Variants in PCYT1A observed in about 807,000 individuals in gnomAD.
PCYT1A encodes phosphate cytidylyltransferase 1A, choline.
Under a neutral mutation model 43.7 loss-of-function variants are expected in PCYT1A, and 25 were observed. The ratio of observed to expected loss-of-function variants is 0.57; its 90% CI spans 0.42 to 0.80. PCYT1A has a LOEUF of 0.80. Among genes scored for constraint, PCYT1A ranks in the 30% least tolerant of loss-of-function variants. The pLI, the probability that PCYT1A is intolerant of heterozygous loss-of-function variation, is 0.00. For synonymous variants in PCYT1A, 172 were observed against 170.7 expected (o/e 1.01, Z -0.06); for missense variants, 421 against 474.2 (o/e 0.89, Z 1.04).
At chr3:196,270,860 A>C (rs1725409621) in intron 1 of PCYT1A, among the ~76,000 whole-genome samples, 1 of 152,234 alleles carries the variant, frequency 6.6e-6, no homozygotes, top group Admixed American at 6.5e-5. Flanking sequence ...AGATTGGAAT[A>C]ATTTGGCTGA....
chr3:196,254,917 A>C lies in PCYT1A; in HGVS notation c.217+2871T>G, dbSNP rs1220096709. Among the ~76,000 whole-genome samples the C allele has an allele frequency of 2.0e-5, 3 of 151,740 alleles. No homozygotes were observed. The South Asian group carries it at 6.2e-4, about 32-fold the overall frequency. ...CTCTCCCTTTTCCTTCCTTTCTCTG[A>C]GTTAAACATATTGCTGATTTTTTTC... On this transcript the variant is annotated intron_variant, in intron 3 of 8. Coordinates refer to ENST00000431016, the MANE Select transcript of PCYT1A (RefSeq NM_001312673.2).
In PCYT1A at chr3:196,264,288, T is replaced by C. The variant is rs549485994; in HGVS notation, c.117+6127A>G. Among the ~76,000 whole-genome samples, 6 of 152,300 alleles carry C rather than the reference T, an allele frequency of 3.9e-5. No homozygotes were observed. The South Asian group carries it at 1.2e-3, about 32-fold the overall frequency. ...ATTTAAAATAGAGACAGGGTCTCCC[T>C]ATATTGCCCAGGCTGCTCTCAAACT... On this transcript the variant is annotated intron_variant, in intron 2 of 8. Transcript: ENST00000431016.
chr3:196,286,126 A>G (rs1725907212), intron 1 of PCYT1A, among the ~76,000 whole-genome samples: 1 of 145,934 alleles, frequency 6.9e-6, no homozygotes, highest in African/African-American at 2.6e-5. Flanking sequence ...GCAGTCTCAC[A>G]ATCTCAACTC....
At chr3:196,283,154 A>C (rs185069488) in intron 1 of PCYT1A, among the ~76,000 whole-genome samples, 1 of 152,212 alleles carries the variant, frequency 6.6e-6, no homozygotes, top group South Asian at 2.1e-4. Flanking sequence ...CCTGGCCCAC[A>C]TGATGAAACC....
rs114491894 is a variant in PCYT1A, at chr3:196,281,478, A to T, written c.-11+6137T>A. 9.2e-3 allele frequency among the ~76,000 whole-genome samples: 1,405 copies of T among 152,334 alleles called. 24 individuals are homozygous for T. The highest frequency in any genetic ancestry group is 0.032 in the African/African-American group (1,317 of 41,566). ...TGGCCCACTACCTGTTTTTGTAATT[A>T]AAATTCGATCAGAACACAGCCATGT... On this transcript the variant is annotated intron_variant, in intron 1 of 8. Transcript: ENST00000431016.
intron 1 of PCYT1A, among the ~76,000 whole-genome samples, chr3:196,276,149 A>G (rs1177965467): frequency 6.6e-6 from 1 of 152,048 alleles, no homozygotes; most frequent in Non-Finnish European, 1.5e-5. Flanking sequence ...TTATATTTCA[A>G]AATTGCTAAA....
At chr3:196,264,326 G>A (rs1161827515) in intron 2 of PCYT1A, among the ~76,000 whole-genome samples, 4 of 151,968 alleles carry the variant, frequency 2.6e-5, no homozygotes, top group African/African-American at 9.7e-5. Context: ...TGGGCTCAAG[G>A]GATCCTCCCA....
chr3:196,258,995 G>A (rs67487066), intron 2 of PCYT1A, among the ~76,000 whole-genome samples: 13,159 of 152,228 alleles, frequency 0.086, 751 homozygotes, highest in African/African-American at 0.14. Context: ...CCTTATTTTT[G>A]TGTAAGATTC....
In PCYT1A at chr3:196,279,960, G is replaced by A. The variant is rs985340084; in HGVS notation, c.-11+7655C>T. Among the ~76,000 whole-genome samples, 37 of 148,638 alleles carry A rather than the reference G, an allele frequency of 2.5e-4. 1 individual carries two copies. Among genetic ancestry groups the A allele is most frequent in the Non-Finnish European group, 4.7e-4 (32 of 67,450 alleles). On this transcript the variant is annotated intron_variant, in intron 1 of 8. Transcript: ENST00000431016. ...AGCAATTCTCCTGCCTCAGCCTCCC[G>A]AGTAGCTGGGATTACAGGCATGCAC... is the stretch of plus-strand genomic sequence containing the variant.
rs3087896 is a variant in PCYT1A, at chr3:196,238,447, G to C, written c.*241C>G. On this transcript the variant is annotated 3_prime_UTR_variant, in exon 9 of 9. Coordinates refer to ENST00000431016, the MANE Select transcript of PCYT1A (RefSeq NM_001312673.2). ...ATAAACAGTGAAACAAAGCCCTTGGGGGGGGGTAAATGGATGCAGAGCAGG... is the reference window on the plus strand; with the variant it reads ...ATAAACAGTGAAACAAAGCCCTTGGCGGGGGGTAAATGGATGCAGAGCAGG... 162 of 357,628 alleles carry C rather than the reference G, an allele frequency of 4.5e-4. 2 individuals are homozygous for C. Among genetic ancestry groups the C allele is most frequent in the South Asian group, 2.4e-3 (17 of 6,950 alleles). 22.2% of individuals were successfully genotyped at this position (357,628 alleles called of 1,614,324 possible).
chr3:196,264,973 C>T (rs1725224030), intron 2 of PCYT1A, among the ~76,000 whole-genome samples: 1 of 152,106 alleles, frequency 6.6e-6, no homozygotes, highest in Non-Finnish European at 1.5e-5. Flanking sequence ...TGGCCAATTT[C>T]CCCCACAGTT....
At position 196,242,163 on chromosome 3, in the gene PCYT1A, T is replaced by G; in HGVS notation, c.566-73A>C. On this transcript the variant is annotated intron_variant, in intron 6 of 8. Coordinates refer to ENST00000431016, the MANE Select transcript of PCYT1A (RefSeq NM_001312673.2). The surrounding 1 kb of genome is among the most constrained non-coding windows in gnomAD (Gnocchi z 4.2). ...TCAGGTATTAAGACTAAATGGAAAT[T>G]GGGGGCAACATTCCTTTCCTTTCCT... 4 of 1,447,648 alleles carry G rather than the reference T, an allele frequency of 2.8e-6. No individual in the cohort carries two copies. The highest frequency in any genetic ancestry group is 3.9e-6 in the Non-Finnish European group (4 of 1,035,682). The allele number at this position is 1,447,648 out of a possible 1,614,324, so 89.7% of individuals were successfully genotyped here.
At position 196,268,426 on chromosome 3, in the gene PCYT1A, G is replaced by GC. The variant is rs1183698441; in HGVS notation, c.117+1988dup. On this transcript the variant is annotated intron_variant, in intron 2 of 8. Coordinates refer to ENST00000431016, the MANE Select transcript of PCYT1A (RefSeq NM_001312673.2). This position sits in a 1 kb window ranked among gnomAD's most constrained non-coding sequence, Gnocchi z 4.4. ...TATTTGCTGTAGTATGCAGAATAAT[G>GC]CCCCCCTGCAGATGGCCACACCCAT... 5.3e-5 allele frequency among the ~76,000 whole-genome samples: 8 copies of GC among 152,074 alleles called. No homozygotes were observed. The highest frequency in any genetic ancestry group is 2.0e-4 in the Admixed American group (3 of 15,260).
In PCYT1A at chr3:196,257,942, A is replaced by G. The variant is rs1434172831; in HGVS notation, c.118-55T>C. 22 of 960,400 alleles carry G rather than the reference A, an allele frequency of 2.3e-5. No individual in the cohort carries two copies. In the East Asian group the frequency reaches 5.1e-4, roughly 22 times the overall value. 59.5% of individuals were successfully genotyped at this position (960,400 alleles called of 1,614,324 possible). ...AGTTCAACTCAATGGCATACACTGT[A>G]ATACTAAAAAAAAAAAAGATGAGAG... is the stretch of plus-strand genomic sequence containing the variant. On this transcript the variant is annotated intron_variant, in intron 2 of 8. Coordinates refer to ENST00000431016, the MANE Select transcript of PCYT1A (RefSeq NM_001312673.2).
chr3:196,274,144 A>G (rs1298287059), intron 1 of PCYT1A, among the ~76,000 whole-genome samples: 2 of 152,236 alleles, frequency 1.3e-5, no homozygotes, highest in Admixed American at 1.3e-4. Flanking sequence ...CTCCAAAATC[A>G]GAGCAGGCAC....
chr3:196,246,022 G>A (rs900627545), intron 5 of PCYT1A, among the ~76,000 whole-genome samples: 1 of 152,060 alleles, frequency 6.6e-6, no homozygotes, highest in Non-Finnish European at 1.5e-5. Flanking sequence ...AAGAGAAAAG[G>A]GGAGTTAGAA....
Position 196,273,704 on chromosome 3 carries a change from A to T in PCYT1A, c.-10-3163T>A, listed in dbSNP as rs1202520766. 1.3e-5 allele frequency among the ~76,000 whole-genome samples: 2 copies of T among 152,202 alleles called. No individual in the cohort carries two copies. Among genetic ancestry groups the T allele is most frequent in the Non-Finnish European group, 2.9e-5 (2 of 68,008 alleles). On this transcript the variant is annotated intron_variant, in intron 1 of 8. Coordinates refer to ENST00000431016, the MANE Select transcript of PCYT1A (RefSeq NM_001312673.2). The surrounding 1 kb of genome is among the most constrained non-coding windows in gnomAD (Gnocchi z 4.1). Reference sequence around the variant, plus strand: ...CATCCCATCAAGTATGGCTGAGTCCAGGGTTTCTACGGGCTTCAGCGGGCA... The same window carrying T: ...CATCCCATCAAGTATGGCTGAGTCCTGGGTTTCTACGGGCTTCAGCGGGCA...
At chr3:196,244,385 C>T (rs1316255209) in intron 5 of PCYT1A, among the ~76,000 whole-genome samples, 2 of 150,956 alleles carry the variant, frequency 1.3e-5, no homozygotes, top group Non-Finnish European at 3.0e-5. Flanking sequence ...GGCCGCCCAT[C>T]GTCTGAGATG....
At chr3:196,259,972 G>A (rs1725061816) in intron 2 of PCYT1A, among the ~76,000 whole-genome samples, 1 of 130,810 alleles carries the variant, frequency 7.6e-6, no homozygotes, top group Admixed American at 8.8e-5. Context: ...GCCCAGGCTG[G>A]AGTGCAGTGG....
Sources: allele counts gnomAD v4.1 joint callset (sites outside exome capture counted in the v4.1 genomes callset), GRCh38; gene constraint gnomAD v4.1.1; non-coding constraint Gnocchi (gnomAD v3.1); transcripts MANE v1.5; gene names NCBI Gene and HGNC (gene_info 2026-07-23, HGNC 2026-07-21).